CRYBG1: variants seen among roughly 807,000 people sequenced by gnomAD.
The protein encoded by CRYBG1 is beta/gamma crystallin domain-containing protein 1.
CRYBG1 carries 139 observed loss-of-function variants against 189.2 expected under a neutral mutation model. That is an observed-to-expected ratio of 0.73 (90% CI 0.64 to 0.85). The LOEUF (loss-of-function observed/expected upper bound fraction) is 0.85. CRYBG1 is among the 40% of genes least tolerant of loss of function. The pLI, the probability that CRYBG1 is intolerant of heterozygous loss-of-function variation, is 0.00. For missense variants in CRYBG1, 2,611 were observed against 2,675.8 expected (o/e 0.98, Z 0.53); for synonymous variants, 1,023 against 1,017.1 (o/e 1.01, Z -0.11).
intron 2 of CRYBG1, among the ~76,000 whole-genome samples, chr6:106,467,049 G>C: frequency 6.6e-6 from 1 of 152,192 alleles, no homozygotes; most frequent in Non-Finnish European, 1.5e-5. Context: ...TTAAGATAGA[G>C]GCTGTTGAGT....
At position 106,553,450 on chromosome 6, in the gene CRYBG1, CAA is replaced by C; in HGVS notation, c.5473-3_5473-2del. ...TTTTATGTGTTTCTGTTTACTTTTT[CAA>C]AGATTCACTTGTTTTCAGAACCACA... On this transcript the variant is annotated splice_polypyrimidine_tract_variant and splice_region_variant and intron_variant, in intron 15 of 21. Coordinates refer to ENST00000633556, the MANE Select transcript of CRYBG1 (RefSeq NM_001371242.2). 1.9e-6 allele frequency: 3 copies of C among 1,590,112 alleles called. No individual in the cohort carries two copies. Among genetic ancestry groups the C allele is most frequent in the Non-Finnish European group, 2.6e-6 (3 of 1,159,882 alleles).
chr6:106,557,073 C>T (rs555806488), intron 17 of CRYBG1, among the ~76,000 whole-genome samples: 33 of 152,314 alleles, frequency 2.2e-4, no homozygotes, highest in Admixed American at 1.0e-3. Context: ...ATGAAGACTA[C>T]ATATCTTTGT....
intron 2 of CRYBG1, among the ~76,000 whole-genome samples, chr6:106,468,558 C>T (rs1046685288): frequency 2.6e-5 from 4 of 152,116 alleles, no homozygotes; most frequent in African/African-American, 4.8e-5. Flanking sequence ...GGCATGATGG[C>T]GTGTGCCTGT....
intron 2 of CRYBG1, among the ~76,000 whole-genome samples, chr6:106,464,492 CAA>C (rs5878893): frequency 3.6e-5 from 5 of 138,736 alleles, no homozygotes; most frequent in Admixed American, 7.2e-5. Context: ...GACTTTGTCT[CAA>C]AAAAAAAAAA....
intron 1 of CRYBG1, 105 bp from the exon 2 acceptor site, chr6:106,451,589 C>A: frequency 1.8e-6 from 2 of 1,131,666 alleles, no homozygotes; most frequent in Admixed American, 3.2e-5. Context: ...ATTATTTGGG[C>A]TGACTGGAAA....
intron 9 of CRYBG1, 39 bp from the exon 10 acceptor site, chr6:106,541,547 A>G: frequency 6.3e-7 from 1 of 1,590,174 alleles, no homozygotes; most frequent in South Asian, 1.1e-5. Context: ...GTAATGTATC[A>G]GTGAAAAACT....
At chr6:106,398,605 G>C (rs1770660269) in intron 1 of CRYBG1, among the ~76,000 whole-genome samples, 1 of 152,176 alleles carries the variant, frequency 6.6e-6, no homozygotes, top group Non-Finnish European at 1.5e-5. Context: ...AAACACTTCT[G>C]TTAGGAGGCC....
chr6:106,491,879 C>T (rs761369497), intron 2 of CRYBG1, among the ~76,000 whole-genome samples: 3 of 152,142 alleles, frequency 2.0e-5, no homozygotes, highest in Admixed American at 6.6e-5. Flanking sequence ...TTTCCCCAAA[C>T]GAGATCAATC....
At chr6:106,366,580 A>AC (rs1373844073) in intron 1 of CRYBG1, among the ~76,000 whole-genome samples, 1 of 152,230 alleles carries the variant, frequency 6.6e-6, no homozygotes, top group Non-Finnish European at 1.5e-5. Flanking sequence ...CAGTCAAAGG[A>AC]TAGTAGACTT....
Position 106,360,721 on chromosome 6 carries a change from C to T in CRYBG1, c.-188C>T, listed in dbSNP as rs945860468. The T allele has an allele frequency of 4.3e-5, 26 of 599,232 alleles. No homozygotes were observed. In the Admixed American group the frequency reaches 9.4e-4, roughly 22 times the overall value. 37.1% of individuals were successfully genotyped at this position (599,232 alleles called of 1,614,324 possible). A position where few individuals can be genotyped will look rare whatever the true frequency, so the allele number is the denominator to read the frequency against. ...CGCCCCAACAGCTCGGGCTGCAGTG[C>T]TGCTCGCGCTGCGCTGGGTGCTGGT... On this transcript the variant is annotated 5_prime_UTR_variant, in exon 1 of 22. Transcript: ENST00000633556.
chr6:106,487,254 T>C (rs1582790791), intron 2 of CRYBG1, among the ~76,000 whole-genome samples: 1 of 152,220 alleles, frequency 6.6e-6, no homozygotes, highest in African/African-American at 2.4e-5. Context: ...TTATGTGTTC[T>C]TTAGCCACTT....
intron 2 of CRYBG1, among the ~76,000 whole-genome samples, chr6:106,454,232 G>A (rs533225376): frequency 3.3e-5 from 5 of 152,182 alleles, no homozygotes; most frequent in Non-Finnish European, 5.9e-5. Flanking sequence ...TACCAGGGCC[G>A]GGAGGAGGCA....
Position 106,569,564 on chromosome 6 carries a change from A to G in CRYBG1, c.*998A>G, listed in dbSNP as rs969652837. 6.6e-6 allele frequency: 1 copy of G among 152,188 alleles called. No homozygotes were observed. The highest frequency in any genetic ancestry group is 1.5e-5 in the Non-Finnish European group (1 of 68,038). The allele number at this position is 152,188 out of a possible 1,614,324, so 9.4% of individuals were successfully genotyped here. A position where few individuals can be genotyped will look rare whatever the true frequency, so the allele number is the denominator to read the frequency against. On this transcript the variant is annotated 3_prime_UTR_variant, in exon 22 of 22. Transcript: ENST00000633556. ...TAACTCATCCATGGGCTGCCCTAGA[A>G]TGTCACAAATGAGGGTTGTTTAATG...
chr6:106,460,228 T>A (rs1253035288), intron 2 of CRYBG1, among the ~76,000 whole-genome samples: 2 of 152,070 alleles, frequency 1.3e-5, no homozygotes, highest in African/African-American at 4.8e-5. Context: ...CCTGACCTCG[T>A]GATCCGCCCG....
intron 1 of CRYBG1, among the ~76,000 whole-genome samples, chr6:106,415,371 A>G (rs1460784694): frequency 6.6e-6 from 1 of 152,178 alleles, no homozygotes; most frequent in Non-Finnish European, 1.5e-5. Context: ...TCTGCCCTCA[A>G]GGTTGGGCAG....
intron 2 of CRYBG1, among the ~76,000 whole-genome samples, chr6:106,507,044 G>T (rs9373876): frequency 0.16 from 23,740 of 151,984 alleles, 1,995 homozygotes; most frequent in East Asian, 0.28. Context: ...GTAATAGTAG[G>T]AATATATAGT....
intron 2 of CRYBG1, among the ~76,000 whole-genome samples, chr6:106,508,872 A>G (rs750540008): frequency 2.8e-4 from 42 of 152,010 alleles, no homozygotes; most frequent in Admixed American, 8.5e-4. Flanking sequence ...TAGTTGAGCC[A>G]AGTTGAAGAG....
intron 2 of CRYBG1, among the ~76,000 whole-genome samples, chr6:106,468,236 T>C (rs1485603454): frequency 6.6e-6 from 1 of 152,020 alleles, no homozygotes. Context: ...AGATAAGCAA[T>C]AGGAACTGGA....
At chr6:106,421,656 G>A (rs1372063538) in intron 1 of CRYBG1, among the ~76,000 whole-genome samples, 1 of 152,096 alleles carries the variant, frequency 6.6e-6, no homozygotes, top group Non-Finnish European at 1.5e-5. Flanking sequence ...TATGGGCTAG[G>A]ATCTCAACAT....
Sources: gnomAD v4.1 joint callset for allele counts (sites outside exome capture counted in the v4.1 genomes callset) on GRCh38, gnomAD v4.1.1 for gene constraint, MANE v1.5 for transcripts, NCBI Gene and HGNC (gene_info 2026-07-23, HGNC 2026-07-21) for gene names.